The following WDR7 variants were observed in gnomAD, a reference collection of about 807,000 sequenced individuals.
WDR7 encodes the protein WD repeat domain 7.
WDR7 carries 46 observed loss-of-function variants against 169.4 expected under a neutral mutation model. The ratio of observed to expected loss-of-function variants is 0.27; its 90% CI spans 0.21 to 0.35. The LOEUF is 0.35. WDR7 is among the 10% of genes least tolerant of loss of function. The pLI is 1.00. For synonymous variants in WDR7, 612 were observed against 666.8 expected (o/e 0.92, Z 1.27); for missense variants, 1,534 against 1,859.3 (o/e 0.83, Z 3.22).
intron 7 of WDR7, among the ~76,000 whole-genome samples, chr18:56,691,007 G>C (rs2025555184): frequency 6.6e-6 from 1 of 152,144 alleles, no homozygotes; most frequent in African/African-American, 2.4e-5. Flanking sequence ...CCTGTCCACA[G>C]GGAGGTTACC....
At chr18:56,985,881 A>C (rs1417080830) in intron 26 of WDR7, among the ~76,000 whole-genome samples, 1 of 152,112 alleles carries the variant, frequency 6.6e-6, no homozygotes, top group African/African-American at 2.4e-5. Flanking sequence ...AAGAGAGTTT[A>C]AATATTTTCA....
intron 14 of WDR7, among the ~76,000 whole-genome samples, chr18:56,735,164 C>A (rs150785080): frequency 6.6e-4 from 100 of 152,164 alleles, no homozygotes; most frequent in African/African-American, 2.1e-3. Flanking sequence ...AGTGAGAGGT[C>A]ATGGGGACTG....
chr18:56,793,661 C>T (rs1442406766), intron 19 of WDR7, among the ~76,000 whole-genome samples: 1 of 152,168 alleles, frequency 6.6e-6, no homozygotes, highest in Admixed American at 6.5e-5. Flanking sequence ...ATTGGTTATA[C>T]ATGCCCCATA....
chr18:56,783,712 A>G (rs2044353417), intron 19 of WDR7, among the ~76,000 whole-genome samples: 1 of 152,206 alleles, frequency 6.6e-6, no homozygotes, highest in Non-Finnish European at 1.5e-5. Flanking sequence ...ATAATTTCTA[A>G]GACTTGATTA....
At chr18:56,848,229 G>T (rs543087775) in intron 20 of WDR7, among the ~76,000 whole-genome samples, 1 of 152,318 alleles carries the variant, frequency 6.6e-6, no homozygotes, top group African/African-American at 2.4e-5. Flanking sequence ...TGTAATGACT[G>T]TTCTGCTGGG....
chr18:56,820,687 C>T (rs866763937), intron 20 of WDR7, among the ~76,000 whole-genome samples: 4 of 152,068 alleles, frequency 2.6e-5, no homozygotes, highest in Non-Finnish European at 4.4e-5. Context: ...TTCTTTACAG[C>T]TGTGTATTTT....
chr18:56,838,547 T>G (rs1317170973), intron 20 of WDR7, among the ~76,000 whole-genome samples: 2 of 152,208 alleles, frequency 1.3e-5, no homozygotes, highest in Non-Finnish European at 2.9e-5. Context: ...CCCAAGAATG[T>G]GAACGACAAA....
At chr18:56,758,791 A>T (rs534225755) in intron 15 of WDR7, 74 bp from the exon 16 acceptor site, 3 of 1,184,002 alleles carry the variant, frequency 2.5e-6, no homozygotes, top group African/African-American at 3.1e-5. Flanking sequence ...GAAGTAGAAA[A>T]TTTTTTATTT....
rs1299975644 is a variant in WDR7, at chr18:56,779,499, C to T, written c.3016C>T (p.Pro1006Ser). 6 of 1,613,890 alleles carry T rather than the reference C, an allele frequency of 3.7e-6. No individual in the cohort carries two copies. The South Asian group carries it at 6.6e-5, about 18-fold the overall frequency. Residue 1006 changes from proline to serine, a missense_variant, in exon 18 of 28, where the codon CCT (proline) becomes TCT (serine). Coordinates refer to ENST00000254442, the MANE Select transcript of WDR7 (RefSeq NM_015285.3). ...PDLLGLDKFR[P>S]PLLEMLARRW... Reference sequence around the variant, plus strand: ...CCTACTGGGATTGGATAAATTTAGGCCTCCCCTTCTGGAGATGCTGGCCCG... The same window carrying T: ...CCTACTGGGATTGGATAAATTTAGGTCTCCCCTTCTGGAGATGCTGGCCCG...
chr18:56,677,410 C>T (rs887101098), intron 2 of WDR7, among the ~76,000 whole-genome samples: 2 of 152,156 alleles, frequency 1.3e-5, no homozygotes, highest in African/African-American at 2.4e-5. Flanking sequence ...AGTGCAGTGG[C>T]GTGATCTCAA....
intron 26 of WDR7, among the ~76,000 whole-genome samples, chr18:57,011,304 T>C (rs2048133212): frequency 6.6e-6 from 1 of 150,484 alleles, no homozygotes; most frequent in Non-Finnish European, 1.5e-5. Flanking sequence ...CAGTTTGTCC[T>C]CGAATGACAT....
intron 14 of WDR7, among the ~76,000 whole-genome samples, chr18:56,755,033 G>A (rs79705644): frequency 0.012 from 1,786 of 151,864 alleles, 41 homozygotes; most frequent in African/African-American, 0.041. Flanking sequence ...ACCAATTTGA[G>A]CAGGTTTTCC....
In WDR7 at chr18:56,939,400, A is replaced by G; in HGVS notation, c.4064+7A>G. 1 of 1,562,332 alleles carries G rather than the reference A, an allele frequency of 6.4e-7. No individual in the cohort carries two copies. The highest frequency in any genetic ancestry group is 1.2e-5 in the South Asian group (1 of 80,244). On this transcript the variant is annotated splice_region_variant and intron_variant, in intron 25 of 27. Transcript: ENST00000254442. ...GTTTCCCAGCCATCTGCAGGTAAAG[A>G]AGCCTTCAAGAGCATGCAGAATAAA...
chr18:56,784,966 A>G (rs1226649854), intron 19 of WDR7, among the ~76,000 whole-genome samples: 1 of 152,016 alleles, frequency 6.6e-6, no homozygotes, highest in Admixed American at 6.6e-5. Context: ...TAACTGAAAC[A>G]TGCACTGACA....
intron 26 of WDR7, among the ~76,000 whole-genome samples, chr18:56,968,052 G>A (rs371899203): frequency 2.8e-4 from 42 of 151,880 alleles, no homozygotes; most frequent in African/African-American, 4.8e-4. Context: ...ACTTGGAGGC[G>A]TCATCCACTT....
intron 26 of WDR7, among the ~76,000 whole-genome samples, chr18:56,978,372 C>G (rs1364362946): frequency 1.3e-5 from 2 of 151,756 alleles, no homozygotes; most frequent in Non-Finnish European, 2.9e-5. Flanking sequence ...TGCATGCATT[C>G]ATTGATTTAA....
At chr18:56,674,165 G>A (rs762707593) in intron 2 of WDR7, among the ~76,000 whole-genome samples, 19 of 152,158 alleles carry the variant, frequency 1.2e-4, no homozygotes, top group Admixed American at 3.3e-4. Flanking sequence ...TTGTGGGATC[G>A]TATGGTAGGT....
intron 13 of WDR7, among the ~76,000 whole-genome samples, chr18:56,721,112 A>G (rs898684761): frequency 6.6e-6 from 1 of 152,144 alleles, no homozygotes; most frequent in Non-Finnish European, 1.5e-5. Flanking sequence ...TATGAAATGT[A>G]TTTAAACTCT....
chr18:56,757,424 A>G lies in WDR7; in HGVS notation c.2759+72A>G, dbSNP rs112432958. ...AACCTGTTTTATTTTTTCATTGTTG[A>G]TTACTCTTTTTTGGCTCTACACAAT... is the stretch of plus-strand genomic sequence containing the variant. On this transcript the variant is annotated intron_variant, in intron 15 of 27. Coordinates refer to ENST00000254442, the MANE Select transcript of WDR7 (RefSeq NM_015285.3). 339 of 1,427,386 alleles carry G rather than the reference A, an allele frequency of 2.4e-4. 1 individual carries two copies. The East Asian group carries it at 6.8e-3, about 29-fold the overall frequency. 88.4% of individuals were successfully genotyped at this position (1,427,386 alleles called of 1,614,324 possible). A position where few individuals can be genotyped will look rare whatever the true frequency, so the allele number is the denominator to read the frequency against.
Sources: gnomAD v4.1 joint callset for allele counts (sites outside exome capture counted in the v4.1 genomes callset) on GRCh38, gnomAD v4.1.1 for gene constraint, MANE v1.5 for transcripts, NCBI Gene and HGNC (gene_info 2026-07-23, HGNC 2026-07-21) for gene names.